FGF1: variants seen among roughly 807,000 people sequenced by gnomAD.
The protein encoded by FGF1 is beta-endothelial cell growth factor.
A neutral mutation model predicts 13.4 loss-of-function variants in FGF1; 9 were observed. The observed-to-expected ratio is 0.67, with a 90% confidence interval of 0.40 to 1.17. FGF1 has a LOEUF of 1.17. Among genes scored for constraint, FGF1 ranks in the 50% most tolerant of loss-of-function variants. FGF1 has a pLI of 0.01. For missense variants in FGF1, 156 were observed against 192.7 expected, an observed-to-expected ratio of 0.81 and a Z score of 1.13; for synonymous variants, 93 against 79.0, an observed-to-expected ratio of 1.18 and a Z score of -0.94.
intron 1 of FGF1, among the ~76,000 whole-genome samples, chr5:142,659,269 G>A (rs570032404): frequency 2.6e-4 from 37 of 142,604 alleles, no homozygotes; most frequent in Non-Finnish European, 4.4e-4. Flanking sequence ...TCGCTCTGTC[G>A]CCAGGCTGGA....
chr5:142,685,217 G>C (rs1344654317), intron 1 of FGF1, among the ~76,000 whole-genome samples: 1 of 152,048 alleles, frequency 6.6e-6, no homozygotes, highest in Non-Finnish European at 1.5e-5. Context: ...TTCTTTCCTA[G>C]TGCCCATCGG....
At chr5:142,662,394 C>T (rs1442767392) in intron 1 of FGF1, among the ~76,000 whole-genome samples, 1 of 152,218 alleles carries the variant, frequency 6.6e-6, no homozygotes, top group African/African-American at 2.4e-5. Context: ...CTTTCTCCAA[C>T]ATGCTTATTA....
intron 1 of FGF1, among the ~76,000 whole-genome samples, chr5:142,684,367 T>C (rs1393575051): frequency 2.6e-5 from 4 of 152,254 alleles, no homozygotes; most frequent in Non-Finnish European, 5.9e-5. Context: ...TCAAGTCATA[T>C]GTAAACAGCA....
In FGF1 at chr5:142,614,082, A is replaced by C. The variant is rs1759672062; in HGVS notation, c.46T>G (p.Phe16Val). ...ITTFTALTEK[F>V]NLPPGNYKKP... ...TTGTAATTCCCTGGAGGCAGATTAA[A>C]CTTCTCGGTCAGGGCTGTGAAGGTG... is the stretch of plus-strand genomic sequence containing the variant. The change falls in exon 2 of 4, where the codon TTT becomes GTT. Residue 16 changes from phenylalanine (F) to valine (V), a missense_variant. Transcript: ENST00000337706. 1 of 1,613,586 alleles carries C rather than the reference A, an allele frequency of 6.2e-7. No homozygotes were observed. Among genetic ancestry groups the C allele is most frequent in the African/African-American group, 1.3e-5 (1 of 74,742 alleles).
intron 2 of FGF1, among the ~76,000 whole-genome samples, chr5:142,612,689 A>G (rs1759332396): frequency 6.6e-6 from 1 of 152,050 alleles, no homozygotes; most frequent in South Asian, 2.1e-4. Flanking sequence ...ATTTGAAGAT[A>G]AGCCATCAAA....
At chr5:142,666,929 A>G (rs1476333530) in intron 1 of FGF1, among the ~76,000 whole-genome samples, 5 of 152,030 alleles carry the variant, frequency 3.3e-5, no homozygotes, top group Non-Finnish European at 7.4e-5. Flanking sequence ...AAAAACAAAA[A>G]CAAAAACAAA....
chr5:142,635,334 C>T (rs948532584), intron 1 of FGF1, among the ~76,000 whole-genome samples: 1 of 152,006 alleles, frequency 6.6e-6, no homozygotes, highest in Non-Finnish European at 1.5e-5. Flanking sequence ...TGTGAGTTAC[C>T]GTCATCTTCA....
intron 1 of FGF1, among the ~76,000 whole-genome samples, chr5:142,657,306 C>T (rs145272369): frequency 0.013 from 2,000 of 152,298 alleles, 52 homozygotes; most frequent in African/African-American, 0.044. Flanking sequence ...CCTTCAGCCC[C>T]CAAACTTGCT....
intron 1 of FGF1, among the ~76,000 whole-genome samples, chr5:142,616,613 C>T (rs1760299437): frequency 6.6e-6 from 1 of 152,042 alleles, no homozygotes; most frequent in Non-Finnish European, 1.5e-5. Context: ...CCTCTAAGTC[C>T]TTCTGTGTCC....
intron 2 of FGF1, among the ~76,000 whole-genome samples, chr5:142,691,154 C>T (rs913112731): frequency 6.6e-6 from 1 of 152,172 alleles, no homozygotes; most frequent in African/African-American, 2.4e-5. Context: ...GGCGTGGTGG[C>T]TCATGCCTAT....
At chr5:142,684,773 CTGCT>C (rs1774368678) in intron 1 of FGF1, among the ~76,000 whole-genome samples, 1 of 152,262 alleles carries the variant, frequency 6.6e-6, no homozygotes, top group Non-Finnish European at 1.5e-5. Context: ...GATGCCACTG[CTGCT>C]GGCTCACTGT....
chr5:142,693,895 A>G (rs1386816985), intron 2 of FGF1, among the ~76,000 whole-genome samples: 2 of 152,056 alleles, frequency 1.3e-5, no homozygotes, highest in South Asian at 2.1e-4. Flanking sequence ...GCATGGATAC[A>G]CCACATTTTA....
At chr5:142,660,950 G>C (rs992636173) in intron 1 of FGF1, among the ~76,000 whole-genome samples, 1 of 152,174 alleles carries the variant, frequency 6.6e-6, no homozygotes, top group African/African-American at 2.4e-5. Context: ...TCCTGGCCCA[G>C]GCTCTGAGAA....
intron 1 of FGF1, among the ~76,000 whole-genome samples, chr5:142,663,754 A>C (rs1022855181): frequency 2.0e-5 from 3 of 152,172 alleles, no homozygotes; most frequent in African/African-American, 2.4e-5. Flanking sequence ...CCATCTTAAC[A>C]TGCAGGAATT....
At chr5:142,683,138 C>A (rs1428365376) in intron 1 of FGF1, among the ~76,000 whole-genome samples, 1 of 152,206 alleles carries the variant, frequency 6.6e-6, no homozygotes, top group Non-Finnish European at 1.5e-5. Flanking sequence ...GCCTGTGGCA[C>A]AAACAACTTC....
intron 1 of FGF1, among the ~76,000 whole-genome samples, chr5:142,630,519 G>A (rs1763201887): frequency 6.6e-6 from 1 of 152,122 alleles, no homozygotes; most frequent in African/African-American, 2.4e-5. Context: ...CTTAAAACCT[G>A]TCATGGCTTT....
chr5:142,602,757 C>T (rs760810863), intron 2 of FGF1, among the ~76,000 whole-genome samples: 2 of 152,020 alleles, frequency 1.3e-5, no homozygotes, highest in Non-Finnish European at 2.9e-5. Context: ...GATCTTTCTA[C>T]ATCAGGATGG....
chr5:142,669,703 C>T (rs550170675), intron 1 of FGF1, among the ~76,000 whole-genome samples: 14 of 152,296 alleles, frequency 9.2e-5, no homozygotes, highest in South Asian at 8.3e-4. Context: ...CATCTGCTGA[C>T]TGGCAGGCAG....
intron 1 of FGF1, among the ~76,000 whole-genome samples, chr5:142,669,940 G>A (rs1771136269): frequency 6.6e-6 from 1 of 152,148 alleles, no homozygotes; most frequent in South Asian, 2.1e-4. Context: ...GTCAGGAGGA[G>A]AGCCAAGAAG....
Sources: allele counts gnomAD v4.1 joint callset (sites outside exome capture counted in the v4.1 genomes callset), GRCh38; gene constraint gnomAD v4.1.1; transcripts MANE v1.5; gene names NCBI Gene and HGNC (gene_info 2026-07-23, HGNC 2026-07-21).